NT5C2: variants seen among roughly 807,000 people sequenced by gnomAD.
The protein encoded by NT5C2 is cytosolic purine 5'-nucleotidase.
Under a neutral mutation model 76.1 loss-of-function variants are expected in NT5C2, and 58 were observed. The observed-to-expected ratio is 0.76, with a 90% CI of 0.62 to 0.95. The LOEUF (loss-of-function observed/expected upper bound fraction) is 0.95. Ranked by LOEUF, NT5C2 falls within the 40% of genes least tolerant of loss-of-function variation. The pLI is 0.00. For missense variants in NT5C2, 478 were observed against 690.3 expected (o/e 0.69, Z 3.45); for synonymous variants, 229 against 237.4 (o/e 0.96, Z 0.32).
chr10:103,112,974 ATCC>A (rs1413413710), intron 4 of NT5C2, among the ~76,000 whole-genome samples: 1 of 152,134 alleles, frequency 6.6e-6, no homozygotes, highest in Non-Finnish European at 1.5e-5. Context: ...CTATATGAAA[ATCC>A]TCCTAACACA....
chr10:103,188,358 GAATA>G (rs544643863), intron 1 of NT5C2, among the ~76,000 whole-genome samples: 36 of 151,786 alleles, frequency 2.4e-4, no homozygotes, highest in South Asian at 1.9e-3. Flanking sequence ...AATCAAAAAT[GAATA>G]AATAAATAAA....
chr10:103,143,379 C>T (rs1354732357), intron 3 of NT5C2, among the ~76,000 whole-genome samples: 1 of 152,014 alleles, frequency 6.6e-6, no homozygotes, highest in Non-Finnish European at 1.5e-5. Flanking sequence ...ATCAGATCTT[C>T]TATTGATATT....
At position 103,112,454 on chromosome 10, in the gene NT5C2, C is replaced by A. The variant is rs139157669; in HGVS notation, c.176-5748G>T. The stretch of plus-strand genomic sequence containing the variant: ...TCAGTGGAAATCTGCCCTTAGTAAG[C>A]CAATTTATACTCTATAAAGTTAAAA... On this transcript the variant is annotated intron_variant, in intron 4 of 18. Transcript: ENST00000404739. 1.0e-3 allele frequency among the ~76,000 whole-genome samples: 156 copies of A among 152,128 alleles called. 4 individuals carry two copies. In the East Asian group the frequency reaches 0.024, roughly 24 times the overall value.
intron 2 of NT5C2, among the ~76,000 whole-genome samples, chr10:103,180,071 T>C (rs2090783395): frequency 6.6e-6 from 1 of 152,006 alleles, no homozygotes; most frequent in African/African-American, 2.4e-5. Context: ...AGCTAAATAA[T>C]CCAATTAAAA....
intron 4 of NT5C2, among the ~76,000 whole-genome samples, chr10:103,129,382 G>A (rs1313802764): frequency 3.3e-4 from 37 of 111,876 alleles, no homozygotes; most frequent in African/African-American, 6.6e-4. Context: ...CAGCCGCCCC[G>A]TCTGGGAGGT....
In NT5C2 at chr10:103,163,155, T is replaced by C. The variant is rs531635588; in HGVS notation, c.101+11703A>G. On this transcript the variant is annotated intron_variant, in intron 3 of 18. Transcript: ENST00000404739. ...TTTACCTGAGTTATAATCTATTCTA[T>C]AAATATACCACATACTGTTTATGTA... Among the ~76,000 whole-genome samples the C allele has an allele frequency of 4.4e-4, 67 of 152,362 alleles. 1 individual carries two copies. In the South Asian group the frequency reaches 0.013, roughly 31 times the overall value.
chr10:103,123,234 T>C (rs1389584792), intron 4 of NT5C2, among the ~76,000 whole-genome samples: 1 of 152,058 alleles, frequency 6.6e-6, no homozygotes, highest in African/African-American at 2.4e-5. Context: ...ACCATCCTCC[T>C]CCCTCTGCTT....
At chr10:103,169,768 G>C (rs1164982071) in intron 3 of NT5C2, among the ~76,000 whole-genome samples, 1 of 152,022 alleles carries the variant, frequency 6.6e-6, no homozygotes, top group East Asian at 1.9e-4. Flanking sequence ...ACTGCTTGCA[G>C]CCAGAAGATC....
chr10:103,189,925 C>G (rs1248572300), intron 1 of NT5C2, among the ~76,000 whole-genome samples: 34 of 147,136 alleles, frequency 2.3e-4, no homozygotes, highest in Middle Eastern at 4.0e-3. Flanking sequence ...CTGCCTCGAC[C>G]TCCCAAAGTG....
At chr10:103,100,652 A>C in intron 8 of NT5C2, 1 of 470,536 alleles carries the variant, frequency 2.1e-6, no homozygotes, top group South Asian at 1.5e-5. Context: ...CTGGGAATGA[A>C]ATTAAATTAC....
intron 15 of NT5C2, among the ~76,000 whole-genome samples, chr10:103,092,310 ATAAT>A (rs1192330265): frequency 1.3e-5 from 2 of 152,222 alleles, no homozygotes; most frequent in Admixed American, 6.5e-5. Flanking sequence ...AATAATAGTA[ATAAT>A]TTTCTGTGTT....
chr10:103,163,064 T>G (rs959155601), intron 3 of NT5C2, among the ~76,000 whole-genome samples: 42 of 152,318 alleles, frequency 2.8e-4, no homozygotes, highest in East Asian at 3.9e-4. Context: ...TTTAAGACTG[T>G]CTTATTTGAC....
chr10:103,095,523 T>TAGCAACA (rs1246151659), intron 12 of NT5C2, among the ~76,000 whole-genome samples: 4 of 152,224 alleles, frequency 2.6e-5, no homozygotes, highest in Non-Finnish European at 5.9e-5. Flanking sequence ...GGCAAAAACT[T>TAGCAACA]AGCAACAACT....
intron 1 of NT5C2, among the ~76,000 whole-genome samples, chr10:103,192,726 G>C (rs951819268): frequency 1.3e-5 from 2 of 152,242 alleles, no homozygotes; most frequent in African/African-American, 4.8e-5. Context: ...TGGCTTCTCG[G>C]GAGGCGACCG....
Position 103,174,896 on chromosome 10 carries a change from C to T in NT5C2, c.63G>A (p.Lys21=), listed in dbSNP as rs2089433235. Residue 21 remains lysine (K), a synonymous_variant, in exon 3 of 19, where the codon AAG becomes AAA. Coordinates refer to ENST00000404739, the MANE Select transcript of NT5C2 (RefSeq NM_001351169.2). ...CTCGACGATACTTTTTCAGGGCATG[C>T]TTATCCATGTTAGCAGGCATATCTG... The part of the protein sequence containing the change: ...NAADMPANMD[K]HALKKYRREA... 6.2e-7 allele frequency: 1 copy of T among 1,613,598 alleles called. No individual in the cohort carries two copies. Among genetic ancestry groups the T allele is most frequent in the African/African-American group, 1.3e-5 (1 of 74,904 alleles).
chr10:103,105,750 A>G lies in NT5C2; in HGVS notation c.345T>C (p.Tyr115=), dbSNP rs749569351. Residue 115 remains tyrosine, a synonymous_variant, in exon 6 of 19, where the codon TAT becomes TAC. Transcript: ENST00000404739. ...CATGTGCACAGACCAAGAGGTTTCC[A>G]TAGGCATCGACTTTCAAAAGATTTC... The part of the protein sequence containing the change: ...LYGNLLKVDA[Y]GNLLVCAHGF... 2 of 1,613,520 alleles carry G rather than the reference A, an allele frequency of 1.2e-6. No homozygotes were observed. Among genetic ancestry groups the G allele is most frequent in the South Asian group, 2.2e-5 (2 of 91,066 alleles).
chr10:103,157,019 T>A (rs1348146274), intron 3 of NT5C2, among the ~76,000 whole-genome samples: 1 of 151,450 alleles, frequency 6.6e-6, no homozygotes, highest in Non-Finnish European at 1.5e-5. Flanking sequence ...ATTTCTGATA[T>A]GCCTTTTGCA....
intron 3 of NT5C2, chr10:103,146,280 T>C (rs1481058390): frequency 2.0e-6 from 2 of 985,314 alleles, no homozygotes; most frequent in South Asian, 4.7e-5. Context: ...CCATTTGGAA[T>C]AGAATTTCTT....
chr10:103,099,719 C>T (rs2069075513), intron 9 of NT5C2, among the ~76,000 whole-genome samples: 1 of 151,868 alleles, frequency 6.6e-6, no homozygotes, highest in African/African-American at 2.4e-5. Flanking sequence ...AATCCAGAAG[C>T]CAAACACCAT....
Sources: allele counts gnomAD v4.1 joint callset (sites outside exome capture counted in the v4.1 genomes callset), GRCh38; gene constraint gnomAD v4.1.1; transcripts MANE v1.5; gene names NCBI Gene and HGNC (gene_info 2026-07-23, HGNC 2026-07-21).